The following LARP1B variants were observed in gnomAD, a reference collection of about 807,000 sequenced individuals.
The protein encoded by LARP1B is la-related protein 1B.
Under a neutral mutation model 114.2 loss-of-function variants are expected in LARP1B, and 76 were observed. The ratio of observed to expected loss-of-function variants is 0.67; its 90% confidence interval spans 0.55 to 0.81. The LOEUF is 0.81. Among genes scored for constraint, LARP1B ranks in the 30% least tolerant of loss-of-function variants. The probability of loss-of-function intolerance (pLI) is 0.00; values close to 1 mark genes in which losing one functional copy is unlikely to be tolerated. For missense variants in LARP1B, 1,014 were observed against 1,075.8 expected, an observed-to-expected ratio of 0.94 and a Z score of 0.80; for synonymous variants, 345 against 348.0, an observed-to-expected ratio of 0.99 and a Z score of 0.10.
chr4:128,065,295 T>C (rs201832246), intron 1 of LARP1B, among the ~76,000 whole-genome samples: 34 of 135,064 alleles, frequency 2.5e-4, no homozygotes, highest in South Asian at 1.2e-3. Context: ...CTTTCTTTCT[T>C]TCTTTCTTTC....
chr4:128,172,483 A>G (rs1014813600), intron 12 of LARP1B, among the ~76,000 whole-genome samples: 3 of 152,160 alleles, frequency 2.0e-5, no homozygotes, highest in African/African-American at 7.2e-5. Context: ...ACCTGAGGTC[A>G]GGAGTTCGAG....
rs1758824031 is a variant in LARP1B at position 128,210,668 on chromosome 4, A to G, written c.*615A>G. On this transcript the variant is annotated 3_prime_UTR_variant, in exon 20 of 20. Transcript: ENST00000326639. ...AGGAATATATAGTAAGATTGTAGTT[A>G]CAATGAGTATATGCACTTTTGATGC... The G allele has an allele frequency of 1.0e-6, 1 of 972,714 alleles. No individual in the cohort carries two copies. Among genetic ancestry groups the G allele is most frequent in the Admixed American group, 6.1e-5 (1 of 16,274 alleles). 60.3% of individuals were successfully genotyped at this position (972,714 alleles called of 1,614,324 possible).
chr4:128,183,105 G>C (rs1296860066), intron 15 of LARP1B, among the ~76,000 whole-genome samples: 2 of 152,298 alleles, frequency 1.3e-5, no homozygotes, highest in East Asian at 3.9e-4. Flanking sequence ...GGTGCAGCAA[G>C]TTTTAAGGAA....
rs1459303040 is a variant in LARP1B at position 128,199,611 on chromosome 4, G to C, written c.2164+12G>C. The C allele has an allele frequency of 7.0e-7, 1 of 1,425,596 alleles. No homozygotes were observed. Among genetic ancestry groups the C allele is most frequent in the Non-Finnish European group, 9.4e-7 (1 of 1,068,358 alleles). The allele number at this position is 1,425,596 out of a possible 1,614,324, so 88.3% of individuals were successfully genotyped here. On this transcript the variant is annotated intron_variant, in intron 16 of 19. Transcript: ENST00000326639. ...AAGATGCCTAAGTGGTAAGATGCTT[G>C]TCCTTTATCTATCTAATATATTTAA...
chr4:128,071,736 T>TA (rs1765456821), intron 1 of LARP1B, among the ~76,000 whole-genome samples: 1 of 147,210 alleles, frequency 6.8e-6, no homozygotes, highest in Admixed American at 6.8e-5. Context: ...TTTCACATTT[T>TA]AAAAAGCACT....
At chr4:128,069,501 A>G (rs1264920973) in intron 1 of LARP1B, 1 of 751,038 alleles carries the variant, frequency 1.3e-6, no homozygotes, top group African/African-American at 1.7e-5. Context: ...ATCAAGCCAG[A>G]TGGGGTGGGG....
chr4:128,203,089 G>A (rs540161738), intron 17 of LARP1B, among the ~76,000 whole-genome samples: 142 of 152,184 alleles, frequency 9.3e-4, no homozygotes, highest in African/African-American at 3.3e-3. Flanking sequence ...CTGCTTGGGA[G>A]GCTGAAACAT....
At chr4:128,125,766 AAAAC>A (rs1046870344) in intron 11 of LARP1B, among the ~76,000 whole-genome samples, 3 of 152,112 alleles carry the variant, frequency 2.0e-5, no homozygotes, top group South Asian at 2.1e-4. Flanking sequence ...AACAAAAACA[AAAAC>A]AAAACAGAAT....
rs867990871 is a variant in LARP1B, at chr4:128,155,624, A to T, written c.1525-6570A>T. 6 of 1,282,378 alleles carry T rather than the reference A, an allele frequency of 4.7e-6. No homozygotes were observed. The African/African-American group carries it at 7.3e-5, about 16-fold the overall frequency. 79.4% of individuals were successfully genotyped at this position (1,282,378 alleles called of 1,614,324 possible). A position where few individuals can be genotyped will look rare whatever the true frequency, so the allele number is the denominator to read the frequency against. ...CCTTAGTCCAGCCCCCTACAACCCC[A>T]GCCAGGAGCCATCCGGGCCCTGGGG... On this transcript the variant is annotated intron_variant, in intron 11 of 19. Coordinates refer to ENST00000326639, the MANE Select transcript of LARP1B (RefSeq NM_018078.4).
At chr4:128,122,850 A>G (rs1788445310) in intron 11 of LARP1B, 2 of 1,036,350 alleles carry the variant, frequency 1.9e-6, no homozygotes, top group African/African-American at 3.4e-5. Flanking sequence ...GAGAACCAGA[A>G]TAGTTTATCA....
chr4:128,171,460 A>C (rs1162139122), intron 12 of LARP1B, among the ~76,000 whole-genome samples: 1 of 152,106 alleles, frequency 6.6e-6, no homozygotes, highest in Non-Finnish European at 1.5e-5. Context: ...TAATTGTCTT[A>C]TATATCTTCA....
intron 15 of LARP1B, among the ~76,000 whole-genome samples, chr4:128,182,014 G>A (rs1445677241): frequency 1.1e-4 from 17 of 149,884 alleles, no homozygotes; most frequent in African/African-American, 3.4e-4. Context: ...GGGTTTCACC[G>A]TGTTAGCCAG....
chr4:128,179,627 C>G, intron 15 of LARP1B, 115 bp downstream of exon 15: 1 of 583,332 alleles, frequency 1.7e-6, no homozygotes, highest in Non-Finnish European at 2.9e-6. Flanking sequence ...AATTATAGAG[C>G]AATGAAAATG....
At chr4:128,164,019 G>A (rs55964669) in intron 12 of LARP1B, among the ~76,000 whole-genome samples, 1,578 of 151,982 alleles carry the variant, frequency 0.01, 31 homozygotes, top group African/African-American at 0.036. Context: ...AATATATTAC[G>A]TATTCATGTT....
chr4:128,211,560 T>G lies in LARP1B; in HGVS notation c.*1507T>G. ...AAATTTGAATATTCAGAAAATAAAT[T>G]TATTTAGATATATTGTAAAGAGGGT... On this transcript the variant is annotated 3_prime_UTR_variant, in exon 20 of 20. Coordinates refer to ENST00000326639, the MANE Select transcript of LARP1B (RefSeq NM_018078.4). The G allele has an allele frequency of 1.1e-6, 1 of 927,932 alleles. No homozygotes were observed. The allele number at this position is 927,932 out of a possible 1,614,324, so 57.5% of individuals were successfully genotyped here.
chr4:128,178,683 T>G (rs756303782), intron 14 of LARP1B, 41 bp downstream of exon 14: 2 of 1,379,238 alleles, frequency 1.5e-6, no homozygotes, highest in Non-Finnish European at 2.1e-6. Context: ...GCATTTTGTA[T>G]CCTTTAACAT....
chr4:128,159,025 A>C (rs1358019443), intron 11 of LARP1B, among the ~76,000 whole-genome samples: 1 of 151,250 alleles, frequency 6.6e-6, no homozygotes, highest in Admixed American at 6.6e-5. Flanking sequence ...ATTAAAAAAA[A>C]AAATTAGCCT....
chr4:128,072,069 G>A (rs371257231), intron 1 of LARP1B, among the ~76,000 whole-genome samples: 1 of 151,864 alleles, frequency 6.6e-6, no homozygotes, highest in Non-Finnish European at 1.5e-5. Context: ...GTGCGATCTC[G>A]GCTCACTGCA....
At chr4:128,108,338 T>A in intron 9 of LARP1B, 1 of 999,500 alleles carries the variant, frequency 1.0e-6, no homozygotes, top group African/African-American at 1.7e-5. Flanking sequence ...GCTATTCGAT[T>A]TGCCTTTCAG....
Sources: gnomAD v4.1 joint callset for allele counts (sites outside exome capture counted in the v4.1 genomes callset) on GRCh38, gnomAD v4.1.1 for gene constraint, MANE v1.5 for transcripts, NCBI Gene and HGNC (gene_info 2026-07-23, HGNC 2026-07-21) for gene names.